The following DOCK5 variants were observed in gnomAD, a reference collection of about 807,000 sequenced individuals.
The protein encoded by DOCK5 is dedicator of cytokinesis protein 5.
In DOCK5, 142 loss-of-function variants were observed where a neutral mutation model predicts 251.8. That is an observed-to-expected ratio of 0.56 (90% CI 0.49 to 0.65). The LOEUF (loss-of-function observed/expected upper bound fraction) is 0.65, where lower values mean the gene tolerates loss of function less well. Ranked by LOEUF, DOCK5 falls within the 30% of genes least tolerant of loss-of-function variation. DOCK5 has a pLI of 0.00. For missense variants in DOCK5, 2,111 were observed against 2,312.3 expected, an observed-to-expected ratio of 0.91 and a Z score of 1.79; for synonymous variants, 842 against 835.5, an observed-to-expected ratio of 1.01 and a Z score of -0.13.
In DOCK5 at chr8:25,210,058, GTGTGTGTGTGTATCTGTCTATTTATC is replaced by G. The variant is rs1367525747; in HGVS notation, c.43+25109_43+25134del. Among the ~76,000 whole-genome samples the G allele has an allele frequency of 1.1e-3, 32 of 28,990 alleles. 11 individuals are homozygous for G. The highest frequency in any genetic ancestry group is 3.2e-3 in the African/African-American group (32 of 9,848). 19.0% of individuals were successfully genotyped at this position (28,990 alleles called of 152,430 possible). On this transcript the variant is annotated intron_variant, in intron 1 of 51. Transcript: ENST00000276440. Reference sequence around the variant, plus strand: ...TAAATGTGTGTGTGTGTGTGTGTGTGTGTGTGTGTGTATCTGTCTATTTATCTATCTATCTATCTATCTATCTATCT... The same window carrying G: ...TAAATGTGTGTGTGTGTGTGTGTGTGTATCTATCTATCTATCTATCTATCT...
chr8:25,253,477 A>G (rs1288785591), intron 2 of DOCK5, among the ~76,000 whole-genome samples: 1 of 152,300 alleles, frequency 6.6e-6, no homozygotes, highest in South Asian at 2.1e-4. Flanking sequence ...TGATTGCTGT[A>G]GCATTCACAT....
intron 1 of DOCK5, among the ~76,000 whole-genome samples, chr8:25,213,101 T>G (rs1586231916): frequency 5.4e-5 from 1 of 18,624 alleles, no homozygotes; most frequent in East Asian, 1.1e-3. Context: ...TGGCAGGGCG[T>G]GTGTGTTGGA....
At position 25,342,366 on chromosome 8, in the gene DOCK5, C is replaced by G. The variant is rs1428283058; in HGVS notation, c.2511-35C>G. On this transcript the variant is annotated intron_variant, in intron 24 of 51. Transcript: ENST00000276440. ...TAATGATGCCTTCAATTTGGCAGAA[C>G]GAAGACACTACTAACCCTGAGGTTT... The G allele has an allele frequency of 2.6e-6, 4 of 1,513,012 alleles. No homozygotes were observed. The East Asian group carries it at 9.8e-5, about 37-fold the overall frequency. The allele number at this position is 1,513,012 out of a possible 1,614,324, so 93.7% of individuals were successfully genotyped here. A position where few individuals can be genotyped will look rare whatever the true frequency, so the allele number is the denominator to read the frequency against.
chr8:25,216,212 A>G (rs1327457435), intron 1 of DOCK5, among the ~76,000 whole-genome samples: 2 of 135,334 alleles, frequency 1.5e-5, no homozygotes, highest in Non-Finnish European at 3.1e-5. Flanking sequence ...ATATGTGCAT[A>G]CAATATGTAT....
At chr8:25,249,704 A>G (rs1803216503) in intron 2 of DOCK5, among the ~76,000 whole-genome samples, 1 of 152,134 alleles carries the variant, frequency 6.6e-6, no homozygotes, top group African/African-American at 2.4e-5. Flanking sequence ...CTCCTACTCC[A>G]GCCTCCCAGG....
intron 14 of DOCK5, among the ~76,000 whole-genome samples, chr8:25,319,121 C>T (rs1478819776): frequency 6.6e-6 from 1 of 152,154 alleles, no homozygotes; most frequent in East Asian, 1.9e-4. Flanking sequence ...GGAAAAGATG[C>T]AGCCCTGAGT....
At chr8:25,366,402 G>A (rs781429923) in intron 30 of DOCK5, among the ~76,000 whole-genome samples, 9 of 152,158 alleles carry the variant, frequency 5.9e-5, no homozygotes, top group South Asian at 2.1e-4. Flanking sequence ...AAGGCAGGAC[G>A]CTTGAACCTG....
At chr8:25,217,930 A>C (rs1802289130) in intron 1 of DOCK5, among the ~76,000 whole-genome samples, 2 of 152,200 alleles carry the variant, frequency 1.3e-5, no homozygotes, top group African/African-American at 4.8e-5. Context: ...CCTTTTATTC[A>C]AAGGGAATGG....
rs1271912860 is a variant in DOCK5, at chr8:25,351,728, C to A, written c.2755-3C>A. On this transcript the variant is annotated splice_polypyrimidine_tract_variant and splice_region_variant and intron_variant, in intron 26 of 51. Transcript: ENST00000276440. ...ATGGAGTCAAATCCTGTGTTCCCTG[C>A]AGGGTGCCACTGCGGTGCACATTCA... 1.9e-6 allele frequency: 3 copies of A among 1,611,994 alleles called. No individual in the cohort carries two copies. Among genetic ancestry groups the A allele is most frequent in the African/African-American group, 1.3e-5 (1 of 74,896 alleles).
At chr8:25,342,319 C>A in intron 24 of DOCK5, 82 bp from the exon 25 acceptor site, 2 of 1,063,292 alleles carry the variant, frequency 1.9e-6, no homozygotes, top group Non-Finnish European at 1.4e-6. Flanking sequence ...GCCCAAATCT[C>A]AGAGTGGAGG....
Position 25,302,411 on chromosome 8 carries a change from C to T in DOCK5, c.933C>T (p.Gly311=). 6.3e-7 allele frequency: 1 copy of T among 1,598,792 alleles called. No individual in the cohort carries two copies. The highest frequency in any genetic ancestry group is 8.5e-7 in the Non-Finnish European group (1 of 1,172,842). Residue 311 remains glycine (G), a synonymous_variant, in exon 10 of 52, where the codon GGC becomes GGT. Coordinates refer to ENST00000276440, the MANE Select transcript of DOCK5 (RefSeq NM_024940.8). ...VRVGHMELKE[G]KKHTCGLRRP... Reference sequence around the variant, plus strand: ...TGGGCCATATGGAGCTGAAGGAAGGCAAGAAGCACACCTGTGGACTCCGAA... The same window carrying T: ...TGGGCCATATGGAGCTGAAGGAAGGTAAGAAGCACACCTGTGGACTCCGAA...
chr8:25,324,422 C>T (rs1399514557), intron 17 of DOCK5, among the ~76,000 whole-genome samples: 1 of 152,188 alleles, frequency 6.6e-6, no homozygotes, highest in African/African-American at 2.4e-5. Context: ...TTCTTGCCTT[C>T]CAACTGATGC....
At position 25,414,904 on chromosome 8, in the gene DOCK5, CCTGT is replaced by C. The variant is rs1371876625; in HGVS notation, c.*3609_*3612del. On this transcript the variant is annotated 3_prime_UTR_variant, in exon 52 of 52. Coordinates refer to ENST00000276440, the MANE Select transcript of DOCK5 (RefSeq NM_024940.8). ...AGTCAATTTGTAGTCAGTCCCTGGG[CCTGT>C]CTTTTTTTTTTTTTAATTTTGAAGC... is the stretch of plus-strand genomic sequence containing the variant. 1.8e-4 allele frequency: 2 copies of C among 11,246 alleles called. No individual in the cohort carries two copies. The highest frequency in any genetic ancestry group is 3.3e-4 in the African/African-American group (2 of 5,982). 0.7% of individuals were successfully genotyped at this position (11,246 alleles called of 1,614,324 possible).
intron 23 of DOCK5, among the ~76,000 whole-genome samples, chr8:25,341,362 T>G: frequency 6.6e-6 from 1 of 152,280 alleles, no homozygotes. Context: ...TCATAATTTT[T>G]TTAAAAAATA....
chr8:25,230,259 C>G (rs542119930), intron 1 of DOCK5, among the ~76,000 whole-genome samples: 1 of 152,088 alleles, frequency 6.6e-6, no homozygotes, highest in Non-Finnish European at 1.5e-5. Flanking sequence ...CCAGGAGCAC[C>G]AGTGGTATCT....
intron 1 of DOCK5, among the ~76,000 whole-genome samples, chr8:25,232,422 T>C (rs936383907): frequency 6.6e-6 from 1 of 152,180 alleles, no homozygotes; most frequent in Non-Finnish European, 1.5e-5. Flanking sequence ...CTAAGTCTAT[T>C]TGGGATACTA....
At chr8:25,228,148 A>AT (rs1802576992) in intron 1 of DOCK5, among the ~76,000 whole-genome samples, 1 of 152,212 alleles carries the variant, frequency 6.6e-6, no homozygotes, top group African/African-American at 2.4e-5. Flanking sequence ...AAGTGCTGGG[A>AT]TTACAGGTGT....
chr8:25,391,146 C>A (rs952556057), intron 42 of DOCK5, among the ~76,000 whole-genome samples: 1 of 151,674 alleles, frequency 6.6e-6, no homozygotes, highest in African/African-American at 2.4e-5. Flanking sequence ...GCTCAAGAGA[C>A]CCTCCCTCCC....
At chr8:25,380,607 C>G (rs1801048140) in intron 39 of DOCK5, among the ~76,000 whole-genome samples, 1 of 152,162 alleles carries the variant, frequency 6.6e-6, no homozygotes, top group African/African-American at 2.4e-5. Flanking sequence ...CAGGACATCT[C>G]TGGAAGTGGA....
Sources: allele counts gnomAD v4.1 joint callset (sites outside exome capture counted in the v4.1 genomes callset), GRCh38; gene constraint gnomAD v4.1.1; transcripts MANE v1.5; gene names NCBI Gene and HGNC (gene_info 2026-07-23, HGNC 2026-07-21).